Variants in TRPM1 observed in about 807,000 individuals in gnomAD.
TRPM1 encodes the protein transient receptor potential cation channel subfamily M member 1, also known as TRPM1-203 APA Isoform, Intron 10.
TRPM1 carries 113 observed loss-of-function variants against 149.4 expected under a neutral mutation model. That is an observed-to-expected ratio of 0.76 (90% CI 0.65 to 0.88). TRPM1 has a LOEUF of 0.88. Ranked by LOEUF, TRPM1 falls within the 40% of genes least tolerant of loss-of-function variation. TRPM1 has a pLI of 0.00. For synonymous variants in TRPM1, 741 were observed against 759.5 expected, an observed-to-expected ratio of 0.98 and a Z score of 0.40; for missense variants, 1,976 against 2,038.7, an observed-to-expected ratio of 0.97 and a Z score of 0.59.
At chr15:31,140,019 T>C (rs2036138885) in intron 1 of TRPM1, among the ~76,000 whole-genome samples, 1 of 152,018 alleles carries the variant, frequency 6.6e-6, no homozygotes, top group Non-Finnish European at 1.5e-5. Flanking sequence ...AAGTTTAAAG[T>C]ATATATGCTT....
intron 27 of TRPM1, among the ~76,000 whole-genome samples, chr15:31,025,505 C>T (rs2032692418): frequency 6.6e-6 from 1 of 152,196 alleles, no homozygotes; most frequent in South Asian, 2.1e-4. Context: ...CATTCATTCA[C>T]TCTGCATTTA....
chr15:31,103,326 A>G (rs2035551979), upstream of TRPM1, among the ~76,000 whole-genome samples: 1 of 152,246 alleles, frequency 6.6e-6, no homozygotes, highest in Non-Finnish European at 1.5e-5. Context: ...CAGTGGCCAC[A>G]GGCCACGCGT....
chr15:31,153,484 C>T (rs1303139837), intron 1 of TRPM1, among the ~76,000 whole-genome samples: 1 of 152,134 alleles, frequency 6.6e-6, no homozygotes, highest in Non-Finnish European at 1.5e-5. Context: ...GCCACCATGC[C>T]TAGCTAATTT....
At chr15:31,022,872 A>T (rs931492438) in intron 27 of TRPM1, among the ~76,000 whole-genome samples, 4 of 152,230 alleles carry the variant, frequency 2.6e-5, no homozygotes, top group African/African-American at 9.6e-5. Flanking sequence ...AATAAAAAAA[A>T]TTAGCTGGGC....
Position 31,042,043 on chromosome 15 carries a change from C to G in TRPM1, c.1995G>C (p.Leu665=), listed in dbSNP as rs2033632207. The change falls in exon 17 of 28, where the codon CTG becomes CTC. Residue 665 remains leucine, a synonymous_variant. Coordinates refer to ENST00000256552, the MANE Select transcript of TRPM1 (RefSeq NM_001252024.2). ...TGGCCTTGTAGAGCTTGCAGGCCAC[C>G]AGGGCCTTGGCCATGCTCTCTTCCC... is the stretch of plus-strand genomic sequence containing the variant. The part of the protein sequence containing the change: ...QRGEESMAKA[L]VACKLYKAMA... 6.2e-7 allele frequency: 1 copy of G among 1,614,218 alleles called. No individual in the cohort carries two copies. Among genetic ancestry groups the G allele is most frequent in the Non-Finnish European group, 8.5e-7 (1 of 1,180,040 alleles).
intron 1 of TRPM1, among the ~76,000 whole-genome samples, chr15:31,087,809 A>T (rs377623484): frequency 1.6e-4 from 24 of 152,328 alleles, no homozygotes; most frequent in South Asian, 1.5e-3. Context: ...AGAGCAGTCA[A>T]ACTGATAGAG....
intron 1 of TRPM1, among the ~76,000 whole-genome samples, chr15:31,118,555 G>A (rs1418294936): frequency 6.6e-6 from 1 of 152,108 alleles, no homozygotes; most frequent in Non-Finnish European, 1.5e-5. Flanking sequence ...TGCTATAAGA[G>A]AATATTGTAG....
chr15:31,009,650 T>C (rs1225650905), intron 27 of TRPM1, among the ~76,000 whole-genome samples: 2 of 152,138 alleles, frequency 1.3e-5, no homozygotes, highest in African/African-American at 4.8e-5. Flanking sequence ...ATGCTCTTTC[T>C]CTTCTGGGAC....
chr15:31,124,324 A>G (rs1326540377), intron 1 of TRPM1, among the ~76,000 whole-genome samples: 1 of 152,022 alleles, frequency 6.6e-6, no homozygotes, highest in Non-Finnish European at 1.5e-5. Flanking sequence ...AGGCCCCAAG[A>G]TTTGCAGGAC....
intron 21 of TRPM1, 58 bp from the exon 22 acceptor site, chr15:31,032,998 A>C: frequency 6.2e-7 from 1 of 1,609,128 alleles, no homozygotes; most frequent in Non-Finnish European, 8.5e-7. Context: ...GTCTTGTCTT[A>C]GAATCTTGGA....
exon 1 of TRPM1, chr15:31,161,012 C>A: frequency 1.3e-6 from 2 of 1,518,922 alleles, no homozygotes; most frequent in Non-Finnish European, 1.8e-6. Context: ...GTGGCCAGGC[C>A]AGTGGCACAG....
At position 31,040,041 on chromosome 15, in the gene TRPM1, G is replaced by T; in HGVS notation, c.2316+77C>A. On this transcript the variant is annotated intron_variant, in intron 18 of 27. Transcript: ENST00000256552. This position sits in a 1 kb window ranked among gnomAD's most constrained non-coding sequence, Gnocchi z 4.2. ...GAAGGAATAAATGAAATAAGCCACA[G>T]AAAGTGCTCAGTTCAGCCTGGCAGA... 1.5e-6 allele frequency: 2 copies of T among 1,298,508 alleles called. No homozygotes were observed. The highest frequency in any genetic ancestry group is 2.2e-6 in the Non-Finnish European group (2 of 896,834). 80.4% of individuals were successfully genotyped at this position (1,298,508 alleles called of 1,614,324 possible).
chr15:31,159,450 G>A (rs1473394693), intron 1 of TRPM1, among the ~76,000 whole-genome samples: 1 of 152,200 alleles, frequency 6.6e-6, no homozygotes, highest in East Asian at 1.9e-4. Context: ...ACGGCCAGTG[G>A]CATGTCTCTT....
intron 27 of TRPM1, among the ~76,000 whole-genome samples, chr15:31,011,666 C>CT (rs71106664): frequency 0.32 from 45,065 of 138,826 alleles, 7,976 homozygotes; most frequent in African/African-American, 0.46. Context: ...ATGCCAATTA[C>CT]TTTTTTTTTT....
chr15:31,119,597 A>T (rs1194397688), intron 1 of TRPM1, among the ~76,000 whole-genome samples: 1 of 152,202 alleles, frequency 6.6e-6, no homozygotes, highest in African/African-American at 2.4e-5. Flanking sequence ...AATAAAGGTA[A>T]AGTAAAACCT....
intron 23 of TRPM1, among the ~76,000 whole-genome samples, chr15:31,029,694 C>T (rs1469307386): frequency 1.3e-5 from 2 of 152,284 alleles, no homozygotes; most frequent in East Asian, 3.9e-4. Context: ...GTGAAAAAGA[C>T]ATGATGTTAC....
chr15:31,068,018 G>T lies in TRPM1; in HGVS notation c.354C>A (p.Leu118=). 1.9e-6 allele frequency: 3 copies of T among 1,614,216 alleles called. No homozygotes were observed. The highest frequency in any genetic ancestry group is 2.5e-6 in the Non-Finnish European group (3 of 1,180,036). ...CATGCACAGATATTAAGAGCTTGGGGAGTTCCAGCTGCCAATCTTTCACCA... is the reference window on the plus strand; with the variant it reads ...CATGCACAGATATTAAGAGCTTGGGTAGTTCCAGCTGCCAATCTTTCACCA... ...HLMVKDWQLE[L]PKLLISVHGG... Residue 118 remains leucine (L), a synonymous_variant, in exon 5 of 28, where the codon CTC becomes CTA. Transcript: ENST00000256552.
At chr15:31,063,538 G>A (rs2034293387) in intron 7 of TRPM1, among the ~76,000 whole-genome samples, 1 of 152,006 alleles carries the variant, frequency 6.6e-6, no homozygotes, top group South Asian at 2.1e-4. Context: ...GCTCACTGCA[G>A]CCTCAACCTC....
intron 1 of TRPM1, among the ~76,000 whole-genome samples, chr15:31,145,283 A>C (rs1433527275): frequency 6.6e-6 from 1 of 152,214 alleles, no homozygotes; most frequent in African/African-American, 2.4e-5. Context: ...CAAGATGCTG[A>C]CTTAAAGCTG....
Sources: allele counts gnomAD v4.1 joint callset (sites outside exome capture counted in the v4.1 genomes callset), GRCh38; gene constraint gnomAD v4.1.1; non-coding constraint Gnocchi (gnomAD v3.1); transcripts MANE v1.5; gene names NCBI Gene and HGNC (gene_info 2026-07-23, HGNC 2026-07-21).